NLK: variants seen among roughly 807,000 people sequenced by gnomAD.
NLK encodes the protein nemo like kinase.
NLK carries 11 observed loss-of-function variants against 59.0 expected under a neutral mutation model. The observed-to-expected ratio is 0.19, with a 90% CI of 0.12 to 0.31. The LOEUF (loss-of-function observed/expected upper bound fraction) is 0.31. NLK is among the 10% of genes least tolerant of loss of function. The probability of loss-of-function intolerance (pLI) is 1.00; values close to 1 mark genes in which losing one functional copy is unlikely to be tolerated. For missense variants in NLK, 410 were observed against 661.1 expected (o/e 0.62, Z 4.16); for synonymous variants, 235 against 235.9 (o/e 1.00, Z 0.03).
intron 3 of NLK, among the ~76,000 whole-genome samples, chr17:28,137,297 T>C (rs1260092165): frequency 2.0e-5 from 3 of 152,208 alleles, no homozygotes; most frequent in Non-Finnish European, 4.4e-5. Flanking sequence ...GGCAAGTTCT[T>C]AGTATATCGT....
rs1905309110 is a variant in NLK, at chr17:28,108,629, A to T, written c.459-13974A>T. Among the ~76,000 whole-genome samples, 5 of 152,368 alleles carry T rather than the reference A, an allele frequency of 3.3e-5. No homozygotes were observed. The South Asian group carries it at 1.0e-3, about 32-fold the overall frequency. Reference sequence around the variant, plus strand: ...ACAGTGACACACATAAAATACTTTAACATAATGTTCTGTGTATATGTGAAT... The same window carrying T: ...ACAGTGACACACATAAAATACTTTATCATAATGTTCTGTGTATATGTGAAT... On this transcript the variant is annotated intron_variant, in intron 1 of 10. Coordinates refer to ENST00000407008, the MANE Select transcript of NLK (RefSeq NM_016231.5).
intron 3 of NLK, among the ~76,000 whole-genome samples, chr17:28,139,537 T>G (rs903971504): frequency 1.3e-5 from 2 of 152,242 alleles, no homozygotes; most frequent in Admixed American, 6.5e-5. Context: ...TGGTTAGCCT[T>G]GCTTATTCAT....
chr17:28,091,793 C>T (rs1196526513), intron 1 of NLK, among the ~76,000 whole-genome samples: 1 of 152,136 alleles, frequency 6.6e-6, no homozygotes, highest in Non-Finnish European at 1.5e-5. Flanking sequence ...AGAAACATTG[C>T]AGGTGTGCAA....
At chr17:28,174,333 A>G (rs1171693822) in intron 7 of NLK, among the ~76,000 whole-genome samples, 3 of 152,192 alleles carry the variant, frequency 2.0e-5, no homozygotes, top group Non-Finnish European at 4.4e-5. Context: ...ATATTTTGCT[A>G]TTAATTGGCC....
intron 3 of NLK, among the ~76,000 whole-genome samples, chr17:28,155,588 T>A (rs1907669442): frequency 6.6e-6 from 1 of 152,148 alleles, no homozygotes; most frequent in Non-Finnish European, 1.5e-5. Flanking sequence ...CACCATGGAA[T>A]ACTATGCAGC....
intron 8 of NLK, 99 bp downstream of exon 8, chr17:28,185,364 A>G: frequency 1.4e-6 from 1 of 717,446 alleles, no homozygotes; most frequent in Non-Finnish European, 2.3e-6. Flanking sequence ...GTAAATAATT[A>G]CTTTTCAGAA....
intron 3 of NLK, among the ~76,000 whole-genome samples, chr17:28,149,317 G>T (rs1597710642): frequency 6.6e-6 from 1 of 152,138 alleles, no homozygotes; most frequent in East Asian, 1.9e-4. Context: ...TCCTGCCTCG[G>T]CCTCCCAAAG....
At chr17:28,055,106 T>C (rs896262079) in intron 1 of NLK, among the ~76,000 whole-genome samples, 10 of 150,866 alleles carry the variant, frequency 6.6e-5, no homozygotes, top group Admixed American at 4.0e-4. Flanking sequence ...TTTTTTTTTT[T>C]TTTTTGAGAC....
At chr17:28,205,852 C>G in the NLK span, among the ~76,000 whole-genome samples, 1 of 152,118 alleles carries the variant, frequency 6.6e-6, no homozygotes, top group Non-Finnish European at 1.5e-5. Flanking sequence ...GTTTAGACAT[C>G]TCAATGTACA....
Position 28,042,916 on chromosome 17 carries a change from G to T in NLK, c.43G>T (p.Ala15Ser), listed in dbSNP as rs1908905168. ...GARANAKMMAAYNGGTSAAAA... is the reference protein window; with the variant it reads ...GARANAKMMASYNGGTSAAAA... ...AAGAGCCAACGCAAAAATGATGGCG[G>T]CTTACAATGGCGGTACATCTGCAGC... The change falls in exon 1 of 11, where the codon GCT (alanine) becomes TCT (serine). Residue 15 changes from alanine (A) to serine (S), a missense_variant. Ala to Ser is a moderately conservative substitution (Grantham distance 99). Coordinates refer to ENST00000407008, the MANE Select transcript of NLK (RefSeq NM_016231.5). 3.3e-6 allele frequency: 5 copies of T among 1,536,604 alleles called. No homozygotes were observed. The highest frequency in any genetic ancestry group is 4.4e-6 in the Non-Finnish European group (5 of 1,139,140).
intron 3 of NLK, among the ~76,000 whole-genome samples, chr17:28,132,933 A>G (rs1703399609): frequency 6.6e-6 from 1 of 152,212 alleles, no homozygotes; most frequent in Non-Finnish European, 1.5e-5. Context: ...GAGATAGATT[A>G]TTACCATCCC....
At chr17:28,201,458 A>C in the NLK span, among the ~76,000 whole-genome samples, 2 of 149,220 alleles carry the variant, frequency 1.3e-5, no homozygotes, top group African/African-American at 5.0e-5. Context: ...GAGGAAGAAT[A>C]GCTTGAACCC....
intron 1 of NLK, among the ~76,000 whole-genome samples, chr17:28,103,115 A>AAT: frequency 6.6e-6 from 1 of 152,318 alleles, no homozygotes; most frequent in Admixed American, 6.5e-5. Context: ...TAAATAAATA[A>AAT]AAATAAAAAG....
chr17:28,092,857 G>T (rs34455313), intron 1 of NLK, among the ~76,000 whole-genome samples: 1 of 150,728 alleles, frequency 6.6e-6, no homozygotes, highest in African/African-American at 2.4e-5. Flanking sequence ...GTGCAGTGGC[G>T]CAATCTTGGC....
At chr17:28,123,208 T>C (rs913598161) in intron 2 of NLK, among the ~76,000 whole-genome samples, 3 of 152,222 alleles carry the variant, frequency 2.0e-5, no homozygotes, top group South Asian at 2.1e-4. Flanking sequence ...GAGTTTCGCA[T>C]TGGCTTCTGA....
At chr17:28,159,952 G>A (rs1446225794) in intron 3 of NLK, among the ~76,000 whole-genome samples, 1 of 152,126 alleles carries the variant, frequency 6.6e-6, no homozygotes, top group Non-Finnish European at 1.5e-5. Context: ...TGTGGTTTGT[G>A]GTGCAAGCAA....
At chr17:28,132,506 C>A in intron 2 of NLK, 114 bp from the exon 3 acceptor site, 1 of 738,080 alleles carries the variant, frequency 1.4e-6, no homozygotes, top group Admixed American at 2.5e-5. Flanking sequence ...TTTCAGTGGG[C>A]AATTGTAACT....
intron 1 of NLK, among the ~76,000 whole-genome samples, chr17:28,055,430 G>A (rs190728399): frequency 5.7e-4 from 87 of 151,718 alleles, no homozygotes; most frequent in Middle Eastern, 6.8e-3. Context: ...TTGAACTCCT[G>A]GGCTCAAGTG....
At chr17:28,065,447 G>A (rs1003926700) in intron 1 of NLK, among the ~76,000 whole-genome samples, 38 of 152,104 alleles carry the variant, frequency 2.5e-4, no homozygotes, top group Admixed American at 1.4e-3. Flanking sequence ...GAATGTGATC[G>A]CTAAGAGATG....
Sources: allele counts gnomAD v4.1 joint callset (sites outside exome capture counted in the v4.1 genomes callset), GRCh38; gene constraint gnomAD v4.1.1; transcripts MANE v1.5; gene names NCBI Gene and HGNC (gene_info 2026-07-23, HGNC 2026-07-21).